The following GLIS1 variants were observed in gnomAD, a reference collection of about 807,000 sequenced individuals.
GLIS1 encodes zinc finger protein GLIS1.
Under a neutral mutation model 63.8 loss-of-function variants are expected in GLIS1, and 24 were observed. The ratio of observed to expected loss-of-function variants is 0.38; its 90% CI spans 0.27 to 0.53. The LOEUF is 0.53. Ranked by LOEUF, GLIS1 falls within the 20% of genes least tolerant of loss-of-function variation. The probability of loss-of-function intolerance (pLI) is 0.85; values close to 1 mark genes in which losing one functional copy is unlikely to be tolerated. For missense variants in GLIS1, 1,036 were observed against 1,074.1 expected (o/e 0.96, Z 0.50); for synonymous variants, 450 against 482.5 (o/e 0.93, Z 0.88).
At chr1:53,569,904 G>C (rs151121337) in intron 4 of GLIS1, among the ~76,000 whole-genome samples, 50 of 152,064 alleles carry the variant, frequency 3.3e-4, no homozygotes, top group African/African-American at 1.1e-3. Context: ...TACATATATA[G>C]AGAAAAATAT....
intron 10 of GLIS1, among the ~76,000 whole-genome samples, chr1:53,508,097 G>A (rs1220543787): frequency 6.6e-6 from 1 of 152,208 alleles, no homozygotes; most frequent in Non-Finnish European, 1.5e-5. Flanking sequence ...ATGAGTCGTG[G>A]GGTGGGTGAC....
chr1:53,633,087 ATGAG>A (rs34421203), intron 2 of GLIS1, among the ~76,000 whole-genome samples: 10,771 of 117,830 alleles, frequency 0.091, 559 homozygotes, highest in South Asian at 0.18. Context: ...GGGCGTGTGA[ATGAG>A]TGTGACTGAG....
chr1:53,514,573 C>T (rs1334358378), intron 8 of GLIS1, 52 bp downstream of exon 8: 1 of 1,581,224 alleles, frequency 6.3e-7, no homozygotes, highest in Non-Finnish European at 8.6e-7. Context: ...CCTGCCTCCC[C>T]CCGAGATCCC....
intron 4 of GLIS1, among the ~76,000 whole-genome samples, chr1:53,562,305 G>A (rs536316085): frequency 1.1e-4 from 17 of 152,308 alleles, no homozygotes; most frequent in Admixed American, 3.9e-4. Context: ...CTGCTTTCAA[G>A]GAGCTGAGTG....
chr1:53,612,475 C>T (rs1423867939), intron 2 of GLIS1, among the ~76,000 whole-genome samples: 2 of 151,980 alleles, frequency 1.3e-5, no homozygotes, highest in Non-Finnish European at 2.9e-5. Flanking sequence ...CTCCTGACCT[C>T]GTGATCCACC....
intron 10 of GLIS1, among the ~76,000 whole-genome samples, chr1:53,507,226 GGCACTTAGTAAGT>G (rs1167288422): frequency 6.6e-6 from 1 of 152,166 alleles, no homozygotes; most frequent in Non-Finnish European, 1.5e-5. Context: ...GCATTTACTG[GGCACTTAGTAAGT>G]GCTCATTTCA....
chr1:53,570,010 G>T (rs963762609), intron 4 of GLIS1, among the ~76,000 whole-genome samples: 8 of 152,024 alleles, frequency 5.3e-5, no homozygotes, highest in Non-Finnish European at 1.0e-4. Flanking sequence ...CAACCAAATT[G>T]ATCTATAGAG....
At chr1:53,696,278 T>C (rs1646464117) in intron 2 of GLIS1, among the ~76,000 whole-genome samples, 1 of 152,242 alleles carries the variant, frequency 6.6e-6, no homozygotes, top group Non-Finnish European at 1.5e-5. Flanking sequence ...TTCCTGTTCT[T>C]TCCCTCGAGA....
intron 2 of GLIS1, among the ~76,000 whole-genome samples, chr1:53,607,536 G>A (rs530029362): frequency 7.2e-5 from 11 of 152,282 alleles, no homozygotes; most frequent in African/African-American, 9.6e-5. Flanking sequence ...GGCTCTTTCC[G>A]TGCCAGTATT....
chr1:53,555,697 C>T (rs117800081), intron 4 of GLIS1, among the ~76,000 whole-genome samples: 48 of 152,296 alleles, frequency 3.2e-4, no homozygotes, highest in African/African-American at 8.7e-4. Flanking sequence ...CTACTATGTA[C>T]GTACAAAAAT....
chr1:53,672,141 T>G (rs951578175), intron 2 of GLIS1, among the ~76,000 whole-genome samples: 3 of 152,206 alleles, frequency 2.0e-5, no homozygotes, highest in Non-Finnish European at 4.4e-5. Context: ...CCAGCCATTC[T>G]TCCGATCCAG....
chr1:53,539,294 ACACAC>A lies in GLIS1; in HGVS notation c.1321-9347_1321-9343del, dbSNP rs1164795999. 2.0e-5 allele frequency among the ~76,000 whole-genome samples: 3 copies of A among 150,396 alleles called. No homozygotes were observed. Among genetic ancestry groups the A allele is most frequent in the Non-Finnish European group, 4.4e-5 (3 of 67,554 alleles). ...CAGAAACTCCCTCACACACACACAC[ACACAC>A]TACACCTAAACACACACACCCCAAT... is the stretch of plus-strand genomic sequence containing the variant. On this transcript the variant is annotated intron_variant, in intron 4 of 10. Transcript: ENST00000628545. The surrounding 1 kb of genome is among the most constrained non-coding windows in gnomAD (Gnocchi z 5.0).
intron 4 of GLIS1, among the ~76,000 whole-genome samples, chr1:53,572,863 C>T (rs10493174): frequency 1.3e-5 from 2 of 152,172 alleles, no homozygotes; most frequent in East Asian, 1.9e-4. Flanking sequence ...GTGAAGGCTC[C>T]AATCCTAGCT....
chr1:53,706,668 G>A (rs145037905), intron 2 of GLIS1, among the ~76,000 whole-genome samples: 188 of 152,300 alleles, frequency 1.2e-3, no homozygotes, highest in Non-Finnish European at 2.2e-3. Context: ...TCGGAAACAC[G>A]TGCCTTGTAA....
Position 53,607,974 on chromosome 1 carries a change from T to TC in GLIS1, c.260-7697_260-7696insG, listed in dbSNP as rs569966746. 7.3e-3 allele frequency among the ~76,000 whole-genome samples: 1,103 copies of TC among 150,968 alleles called. 8 individuals are homozygous for TC. The highest frequency in any genetic ancestry group is 0.012 in the Non-Finnish European group (836 of 67,692). Reference sequence around the variant, plus strand: ...GATGTCTCTCTTTTTTTTTTTTTTTTTTGAGACAGGGTCTTGCTCTGCTGT... The same window carrying TC: ...GATGTCTCTCTTTTTTTTTTTTTTTTCTTGAGACAGGGTCTTGCTCTGCTGT... On this transcript the variant is annotated intron_variant, in intron 2 of 10. Transcript: ENST00000628545.
chr1:53,597,910 G>A (rs201330212), intron 3 of GLIS1, among the ~76,000 whole-genome samples: 2 of 151,280 alleles, frequency 1.3e-5, no homozygotes. Context: ...TCTAGCAAAA[G>A]AAAAAAAAAT....
At chr1:53,718,750 G>A (rs957521354) in intron 2 of GLIS1, among the ~76,000 whole-genome samples, 12 of 152,052 alleles carry the variant, frequency 7.9e-5, no homozygotes, top group African/African-American at 2.9e-4. Flanking sequence ...TTAACTCTGC[G>A]GATCATTCCT....
At chr1:53,700,935 G>A (rs929307453) in intron 2 of GLIS1, among the ~76,000 whole-genome samples, 81 of 152,234 alleles carry the variant, frequency 5.3e-4, no homozygotes, top group Admixed American at 9.8e-4. Flanking sequence ...CATCCGTGTT[G>A]TAAGATGTCA....
intron 2 of GLIS1, among the ~76,000 whole-genome samples, chr1:53,685,360 G>A (rs1290128769): frequency 3.3e-5 from 5 of 152,234 alleles, no homozygotes; most frequent in African/African-American, 4.8e-5. Context: ...CCAGAGCGCC[G>A]TGGTGTCTGC....
Sources: allele counts gnomAD v4.1 joint callset (sites outside exome capture counted in the v4.1 genomes callset), GRCh38; gene constraint gnomAD v4.1.1; non-coding constraint Gnocchi (gnomAD v3.1); transcripts MANE v1.5; gene names NCBI Gene and HGNC (gene_info 2026-07-23, HGNC 2026-07-21).